The following TTC28 variants were observed in gnomAD, a reference collection of about 807,000 sequenced individuals.
TTC28 encodes the protein tetratricopeptide repeat domain 28.
Under a neutral mutation model 198.0 loss-of-function variants are expected in TTC28, and 61 were observed. The observed-to-expected ratio is 0.31, with a 90% CI of 0.25 to 0.38. TTC28 has a LOEUF of 0.38. Ranked by LOEUF, TTC28 falls within the 10% of genes least tolerant of loss-of-function variation. The pLI, the probability that TTC28 is intolerant of heterozygous loss-of-function variation, is 1.00. For missense variants in TTC28, 2,678 were observed against 3,164.0 expected, an observed-to-expected ratio of 0.85 and a Z score of 3.69; for synonymous variants, 1,171 against 1,297.8, an observed-to-expected ratio of 0.90 and a Z score of 2.10.
At chr22:28,359,797 T>C (rs574619974) in intron 2 of TTC28, among the ~76,000 whole-genome samples, 1 of 152,288 alleles carries the variant, frequency 6.6e-6, no homozygotes, top group South Asian at 2.1e-4. Flanking sequence ...GAAAGATGTC[T>C]TATCAATGTC....
At chr22:28,081,681 G>A (rs930857900) in intron 12 of TTC28, among the ~76,000 whole-genome samples, 3 of 151,880 alleles carry the variant, frequency 2.0e-5, no homozygotes, top group Non-Finnish European at 4.4e-5. Context: ...TAGTAGAGAC[G>A]AGATTTCACC....
chr22:28,563,819 C>T (rs1358642372), intron 2 of TTC28, among the ~76,000 whole-genome samples: 1 of 152,072 alleles, frequency 6.6e-6, no homozygotes, highest in Non-Finnish European at 1.5e-5. Flanking sequence ...AGAAGTGAAA[C>T]TCAAACAAAT....
At chr22:28,422,904 A>G (rs2047283858) in intron 2 of TTC28, among the ~76,000 whole-genome samples, 1 of 152,202 alleles carries the variant, frequency 6.6e-6, no homozygotes, top group Non-Finnish European at 1.5e-5. Flanking sequence ...ATAATTCCTA[A>G]CAATCAATGG....
At chr22:28,557,440 C>T (rs971596661) in intron 2 of TTC28, among the ~76,000 whole-genome samples, 1 of 152,276 alleles carries the variant, frequency 6.6e-6, no homozygotes, top group Admixed American at 6.5e-5. Flanking sequence ...GTTTAAGCTG[C>T]TATTTAACCA....
chr22:28,299,491 C>G (rs978371232), intron 3 of TTC28, among the ~76,000 whole-genome samples: 2 of 152,136 alleles, frequency 1.3e-5, no homozygotes, highest in Non-Finnish European at 2.9e-5. Context: ...TGTCAAGATT[C>G]AAGCCGTGCA....
At chr22:28,040,405 C>A (rs1031342621) in intron 12 of TTC28, among the ~76,000 whole-genome samples, 4 of 152,216 alleles carry the variant, frequency 2.6e-5, no homozygotes, top group Non-Finnish European at 4.4e-5. Context: ...AAGTCGTCTT[C>A]ATCCCTGGGA....
chr22:28,463,477 A>T (rs2047977942), intron 2 of TTC28, among the ~76,000 whole-genome samples: 1 of 152,308 alleles, frequency 6.6e-6, no homozygotes, highest in East Asian at 1.9e-4. Flanking sequence ...TGTTTATTGC[A>T]GCACTACTCA....
At chr22:28,159,344 T>A (rs1013026721) in intron 6 of TTC28, among the ~76,000 whole-genome samples, 3 of 151,942 alleles carry the variant, frequency 2.0e-5, no homozygotes, top group Admixed American at 2.0e-4. Context: ...GTTCGGAGGT[T>A]AATCAAAAAA....
intron 2 of TTC28, among the ~76,000 whole-genome samples, chr22:28,468,537 G>A (rs2013832): frequency 0.019 from 2,742 of 146,932 alleles, 49 homozygotes; most frequent in Non-Finnish European, 0.026. Flanking sequence ...TTTTTTTTGA[G>A]ACAGAGTCTC....
intron 6 of TTC28, among the ~76,000 whole-genome samples, chr22:28,137,403 C>G (rs59103380): frequency 0.011 from 1,702 of 152,268 alleles, 29 homozygotes; most frequent in African/African-American, 0.039. Flanking sequence ...TTTCCTCTCT[C>G]GCTTCTCAGA....
chr22:28,636,505 G>T (rs562914681), intron 1 of TTC28, among the ~76,000 whole-genome samples: 83 of 152,022 alleles, frequency 5.5e-4, no homozygotes, highest in Non-Finnish European at 1.0e-3. Context: ...CTATATCTTG[G>T]TCATTGTGAA....
intron 6 of TTC28, among the ~76,000 whole-genome samples, chr22:28,151,940 G>A (rs1260750542): frequency 1.3e-5 from 2 of 152,128 alleles, no homozygotes; most frequent in African/African-American, 4.8e-5. Flanking sequence ...AGTTTGTGTA[G>A]TCTTGTCTAT....
In TTC28 at chr22:28,567,479, CATATATATAT is replaced by C. The variant is rs398040471; in HGVS notation, c.381+62063_381+62072del. On this transcript the variant is annotated intron_variant, in intron 2 of 22. Transcript: ENST00000397906. ...CACACCACACGCATATACATACATA[CATATATATAT>C]ATATATATATATATATATATGTTTT... Among the ~76,000 whole-genome samples, 187 of 51,144 alleles carry C rather than the reference CATATATATAT, an allele frequency of 3.7e-3. 11 individuals carry two copies. The highest frequency in any genetic ancestry group is 0.023 in the South Asian group (27 of 1,172). 33.6% of individuals were successfully genotyped at this position (51,144 alleles called of 152,430 possible). A position where few individuals can be genotyped will look rare whatever the true frequency, so the allele number is the denominator to read the frequency against.
At chr22:28,623,217 G>A (rs757023151) in intron 2 of TTC28, among the ~76,000 whole-genome samples, 3 of 152,228 alleles carry the variant, frequency 2.0e-5, no homozygotes, top group Non-Finnish European at 2.9e-5. Context: ...CTTCCAAGGA[G>A]CTGGGACTAC....
At chr22:28,585,715 G>A (rs891622735) in intron 2 of TTC28, among the ~76,000 whole-genome samples, 1 of 152,158 alleles carries the variant, frequency 6.6e-6, no homozygotes, top group Non-Finnish European at 1.5e-5. Context: ...CAAGGACACC[G>A]TGGTGGAGCT....
intron 2 of TTC28, among the ~76,000 whole-genome samples, chr22:28,549,106 C>A (rs1044623340): frequency 3.3e-5 from 5 of 152,116 alleles, no homozygotes; most frequent in Non-Finnish European, 7.3e-5. Flanking sequence ...CAGCTCACTG[C>A]AGCCTCTGCC....
intron 5 of TTC28, among the ~76,000 whole-genome samples, chr22:28,168,583 A>G (rs1922294018): frequency 6.6e-6 from 1 of 152,134 alleles, no homozygotes; most frequent in African/African-American, 2.4e-5. Flanking sequence ...AGGATTCCCT[A>G]TTTAATAAAT....
At chr22:28,266,379 T>C (rs920036511) in intron 5 of TTC28, among the ~76,000 whole-genome samples, 12 of 151,964 alleles carry the variant, frequency 7.9e-5, no homozygotes, top group Admixed American at 7.9e-4. Context: ...TTTTCAGTCA[T>C]GCTCATTTAT....
intron 6 of TTC28, among the ~76,000 whole-genome samples, chr22:28,151,354 A>T (rs1248770073): frequency 1.3e-5 from 2 of 152,338 alleles, no homozygotes; most frequent in East Asian, 3.9e-4. Flanking sequence ...CTGGAGACAC[A>T]ACTATGGGAC....
Sources: allele counts gnomAD v4.1 joint callset (sites outside exome capture counted in the v4.1 genomes callset), GRCh38; gene constraint gnomAD v4.1.1; transcripts MANE v1.5; gene names NCBI Gene and HGNC (gene_info 2026-07-23, HGNC 2026-07-21).